The following CELF4 variants were observed in gnomAD, a reference collection of about 807,000 sequenced individuals.
CELF4 encodes the protein CUGBP Elav-like family member 4, also known as CUG-BP- and ETR-3-like factor 4.
Under a neutral mutation model 59.9 loss-of-function variants are expected in CELF4, and 18 were observed. That is an observed-to-expected ratio of 0.30 (90% CI 0.21 to 0.45). The LOEUF is 0.45. Ranked by LOEUF, CELF4 falls within the 20% of genes least tolerant of loss-of-function variation. The probability of loss-of-function intolerance (pLI) is 1.00; values close to 1 mark genes in which losing one functional copy is unlikely to be tolerated. For synonymous variants in CELF4, 261 were observed against 267.1 expected (o/e 0.98, Z 0.22); for missense variants, 456 against 689.0 (o/e 0.66, Z 3.79).
intron 2 of CELF4, among the ~76,000 whole-genome samples, chr18:37,415,576 T>C (rs981081758): frequency 6.6e-6 from 1 of 152,248 alleles, no homozygotes; most frequent in Admixed American, 6.5e-5. Context: ...GAAAGGTTTT[T>C]GGAAGTCTTC....
At chr18:37,476,846 G>T (rs560944743) in intron 2 of CELF4, among the ~76,000 whole-genome samples, 1 of 151,550 alleles carries the variant, frequency 6.6e-6, no homozygotes, top group Non-Finnish European at 1.5e-5. Flanking sequence ...CGCTCCGGTG[G>T]ACACACACCT....
chr18:37,284,757 C>T (rs1049181473), intron 3 of CELF4, among the ~76,000 whole-genome samples: 3 of 152,228 alleles, frequency 2.0e-5, no homozygotes, highest in African/African-American at 7.2e-5. Context: ...CCCCCAGTTA[C>T]TATGATCCAG....
At chr18:37,290,007 C>T (rs2095222146) in intron 3 of CELF4, among the ~76,000 whole-genome samples, 1 of 152,122 alleles carries the variant, frequency 6.6e-6, no homozygotes. Flanking sequence ...GCTTTTAGGC[C>T]TCGAGTGCCT....
At chr18:37,352,635 T>C (rs533823972) in intron 2 of CELF4, among the ~76,000 whole-genome samples, 1 of 152,098 alleles carries the variant, frequency 6.6e-6, no homozygotes, top group African/African-American at 2.4e-5. Context: ...TTTAAGTATC[T>C]GCTTTGGATT....
chr18:37,497,083 T>TG (rs914361630), intron 1 of CELF4, among the ~76,000 whole-genome samples: 2 of 152,054 alleles, frequency 1.3e-5, no homozygotes, highest in Non-Finnish European at 2.9e-5. Flanking sequence ...AGTTGGTAAA[T>TG]GGGGAGCCTG....
intron 10 of CELF4, 109 bp downstream of exon 10, chr18:37,264,565 C>T: frequency 1.1e-6 from 1 of 885,808 alleles, no homozygotes. Flanking sequence ...ACACAGCACA[C>T]AAACGTGGTC....
At chr18:37,503,008 T>C (rs961077976) in intron 1 of CELF4, among the ~76,000 whole-genome samples, 40 of 152,198 alleles carry the variant, frequency 2.6e-4, no homozygotes, top group African/African-American at 9.6e-4. Flanking sequence ...GTCGGGTGGG[T>C]GCATCATCAC....
intron 3 of CELF4, among the ~76,000 whole-genome samples, chr18:37,308,359 C>T (rs2096523357): frequency 6.6e-6 from 1 of 152,248 alleles, no homozygotes; most frequent in Non-Finnish European, 1.5e-5. Context: ...TAAGCCATGG[C>T]TTCTGCATTC....
At chr18:37,299,926 G>T (rs916422478) in intron 3 of CELF4, among the ~76,000 whole-genome samples, 5 of 152,176 alleles carry the variant, frequency 3.3e-5, no homozygotes, top group African/African-American at 7.2e-5. Flanking sequence ...GTTGTCCCAG[G>T]GCCTGGAGTG....
intron 2 of CELF4, among the ~76,000 whole-genome samples, chr18:37,464,050 C>T (rs995772745): frequency 1.3e-5 from 2 of 152,184 alleles, no homozygotes; most frequent in Non-Finnish European, 2.9e-5. Context: ...CTGAAAGGCC[C>T]CCAGCCTTGT....
intron 3 of CELF4, among the ~76,000 whole-genome samples, chr18:37,309,614 G>C (rs1376989019): frequency 6.6e-6 from 1 of 152,072 alleles, no homozygotes; most frequent in Non-Finnish European, 1.5e-5. Context: ...AAGACTCCAG[G>C]ATGGGCCTGG....
rs552022080 is a variant in CELF4, at chr18:37,551,896, T to A, written c.286+13460A>T. 2.2e-3 allele frequency among the ~76,000 whole-genome samples: 340 copies of A among 152,322 alleles called. 2 individuals carry two copies. The highest frequency in any genetic ancestry group is 0.016 in the South Asian group (79 of 4,826). On this transcript the variant is annotated intron_variant, in intron 1 of 12. Coordinates refer to ENST00000420428, the MANE Select transcript of CELF4 (RefSeq NM_020180.4). ...CAGGCTGGCGGCAGGTCCAAATTTATTCAAAATGAGAAATTCCTTTGTCCA... is the reference window on the plus strand; with the variant it reads ...CAGGCTGGCGGCAGGTCCAAATTTAATCAAAATGAGAAATTCCTTTGTCCA...
intron 2 of CELF4, among the ~76,000 whole-genome samples, chr18:37,471,547 CT>C (rs1395962607): frequency 6.6e-6 from 1 of 152,106 alleles, no homozygotes; most frequent in Non-Finnish European, 1.5e-5. Context: ...CTGGAGCCCC[CT>C]CCATCCACCT....
chr18:37,405,095 C>A (rs1030054075), intron 2 of CELF4, among the ~76,000 whole-genome samples: 4 of 152,254 alleles, frequency 2.6e-5, no homozygotes, highest in African/African-American at 7.2e-5. Context: ...GGCCCCAACC[C>A]CCCCCGTGTC....
chr18:37,272,544 G>A lies in CELF4; in HGVS notation c.949+472C>T, dbSNP rs962903107. Among the ~76,000 whole-genome samples, 12 of 137,758 alleles carry A rather than the reference G, an allele frequency of 8.7e-5. No homozygotes were observed. In the South Asian group the frequency reaches 1.5e-3, roughly 17 times the overall value. 90.4% of individuals were successfully genotyped at this position (137,758 alleles called of 152,430 possible). A position where few individuals can be genotyped will look rare whatever the true frequency, so the allele number is the denominator to read the frequency against. On this transcript the variant is annotated intron_variant, in intron 7 of 12. Coordinates refer to ENST00000420428, the MANE Select transcript of CELF4 (RefSeq NM_020180.4). ...TGCATAGTTGTCTTAGAAAAAGCCA[G>A]TGAGTCTAGATTGGGTTAAAGGGAA...
chr18:37,330,094 A>T (rs1299009237), intron 2 of CELF4, among the ~76,000 whole-genome samples: 1 of 152,202 alleles, frequency 6.6e-6, no homozygotes, highest in Non-Finnish European at 1.5e-5. Flanking sequence ...GATGCAACCA[A>T]CTCGATAAGG....
chr18:37,555,232 ACCAAG>A (rs1375860768), intron 1 of CELF4, among the ~76,000 whole-genome samples: 1 of 152,214 alleles, frequency 6.6e-6, no homozygotes, highest in Non-Finnish European at 1.5e-5. Flanking sequence ...ATCCGGTGAG[ACCAAG>A]CCAAGCCAAG....
At chr18:37,353,616 G>A (rs1226736762) in intron 2 of CELF4, among the ~76,000 whole-genome samples, 2 of 139,868 alleles carry the variant, frequency 1.4e-5, no homozygotes, top group Admixed American at 7.5e-5. Context: ...TGATGCTTTT[G>A]ACAGTAATAA....
intron 1 of CELF4, among the ~76,000 whole-genome samples, chr18:37,548,888 C>T (rs2099982270): frequency 1.3e-5 from 2 of 152,200 alleles, no homozygotes; most frequent in African/African-American, 2.4e-5. Context: ...GTCCAAGGCA[C>T]GAAACACTGC....
Sources: gnomAD v4.1 joint callset for allele counts (sites outside exome capture counted in the v4.1 genomes callset) on GRCh38, gnomAD v4.1.1 for gene constraint, MANE v1.5 for transcripts, NCBI Gene and HGNC (gene_info 2026-07-23, HGNC 2026-07-21) for gene names.